Variants in STAG1 observed in about 807,000 individuals in gnomAD.
The protein encoded by STAG1 is STAG1 cohesin complex component, also known as cohesin subunit SA-1.
In STAG1, 26 loss-of-function variants were observed where a neutral mutation model predicts 170.9. The ratio of observed to expected loss-of-function variants is 0.15; its 90% CI spans 0.11 to 0.21. The LOEUF is 0.21. STAG1 is among the 10% of genes least tolerant of loss of function. The pLI is 1.00. For missense variants in STAG1, 964 were observed against 1,509.5 expected (o/e 0.64, Z 5.99); for synonymous variants, 514 against 497.7 (o/e 1.03, Z -0.44).
intron 3 of STAG1, among the ~76,000 whole-genome samples, chr3:136,619,756 C>CA (rs62857261): frequency 0.52 from 35,331 of 67,498 alleles, 9,277 homozygotes; most frequent in East Asian, 0.73. Flanking sequence ...GACTCTGTCT[C>CA]AAAAAAAAAA....
At chr3:136,538,231 TA>T (rs991918166) in intron 6 of STAG1, among the ~76,000 whole-genome samples, 4 of 152,154 alleles carry the variant, frequency 2.6e-5, no homozygotes, top group Admixed American at 1.3e-4. Context: ...TTAATTCTAT[TA>T]ATAAATATGC....
Position 136,621,226 on chromosome 3 carries a change from G to A in STAG1, c.132+1920C>T, listed in dbSNP as rs1576677781. 3.3e-5 allele frequency among the ~76,000 whole-genome samples: 5 copies of A among 152,196 alleles called. 1 individual carries two copies. The South Asian group carries it at 1.0e-3, about 31-fold the overall frequency. ...AATTATACAATAGCCTGCTGGTGGG[G>A]TGGTAAATTCTCTTTAGGAAAAATA... On this transcript the variant is annotated intron_variant, in intron 3 of 33. Transcript: ENST00000383202.
At chr3:136,347,708 G>A (rs1236902633) in intron 29 of STAG1, among the ~76,000 whole-genome samples, 2 of 152,166 alleles carry the variant, frequency 1.3e-5, no homozygotes, top group Admixed American at 1.3e-4. Flanking sequence ...AGATAGATAT[G>A]AGGCATTACT....
intron 1 of STAG1, among the ~76,000 whole-genome samples, chr3:136,748,175 T>C (rs950838044): frequency 1.3e-5 from 2 of 151,692 alleles, no homozygotes; most frequent in Non-Finnish European, 2.9e-5. Flanking sequence ...ACAGACGGTT[T>C]CAGGTCAAGA....
intron 5 of STAG1, among the ~76,000 whole-genome samples, chr3:136,551,165 CTT>C (rs750035148): frequency 2.8e-4 from 22 of 79,106 alleles, no homozygotes; most frequent in Admixed American, 2.9e-4. Flanking sequence ...TTTTTAACTC[CTT>C]TTTTTTTTTT....
chr3:136,660,906 C>G (rs767613600), intron 1 of STAG1, among the ~76,000 whole-genome samples: 9 of 152,008 alleles, frequency 5.9e-5, no homozygotes, highest in Non-Finnish European at 1.0e-4. Flanking sequence ...GAGTTCAAGG[C>G]TGAAGTAAGC....
intron 1 of STAG1, among the ~76,000 whole-genome samples, chr3:136,667,952 C>G (rs1234898647): frequency 6.6e-6 from 1 of 151,932 alleles, no homozygotes; most frequent in African/African-American, 2.4e-5. Context: ...CTTTGGGAAG[C>G]TGAGGCAGGC....
intron 1 of STAG1, among the ~76,000 whole-genome samples, chr3:136,739,866 TACAC>T (rs1467297193): frequency 1.3e-5 from 2 of 151,630 alleles, no homozygotes; most frequent in Non-Finnish European, 2.9e-5. Flanking sequence ...CACACACACA[TACAC>T]ACATATATAT....
At chr3:136,389,895 G>T (rs1339996219) in intron 22 of STAG1, among the ~76,000 whole-genome samples, 2 of 149,900 alleles carry the variant, frequency 1.3e-5, no homozygotes, top group Non-Finnish European at 1.5e-5. Context: ...GCAGTGGCAT[G>T]ATCTTGGCTC....
At chr3:136,545,390 A>C (rs1015981460) in intron 5 of STAG1, among the ~76,000 whole-genome samples, 1 of 152,174 alleles carries the variant, frequency 6.6e-6, no homozygotes, top group African/African-American at 2.4e-5. Flanking sequence ...ATTTTTATAT[A>C]ACCTAGCCTG....
In STAG1 at chr3:136,338,175, T is replaced by TC. The variant is rs1935777965; in HGVS notation, c.*78dup. 1.1e-6 allele frequency: 1 copy of TC among 943,660 alleles called. No individual in the cohort carries two copies. The highest frequency in any genetic ancestry group is 2.1e-5 in the Admixed American group (1 of 46,550). The allele number at this position is 943,660 out of a possible 1,614,324, so 58.5% of individuals were successfully genotyped here. A position where few individuals can be genotyped will look rare whatever the true frequency, so the allele number is the denominator to read the frequency against. On this transcript the variant is annotated 3_prime_UTR_variant, in exon 34 of 34. Coordinates refer to ENST00000383202, the MANE Select transcript of STAG1 (RefSeq NM_005862.3). ...AATCAGATCACATCAAAAGTGTTTT[T>TC]CCCCATACAAGCTATCACAGTATAT...
At chr3:136,717,317 A>G (rs1255654398) in intron 1 of STAG1, among the ~76,000 whole-genome samples, 1 of 152,202 alleles carries the variant, frequency 6.6e-6, no homozygotes, top group Non-Finnish European at 1.5e-5. Context: ...TACTATAAAC[A>G]GTTATTGATT....
At chr3:136,710,704 GTAAA>G (rs1384335788) in intron 1 of STAG1, among the ~76,000 whole-genome samples, 1 of 151,694 alleles carries the variant, frequency 6.6e-6, no homozygotes, top group Non-Finnish European at 1.5e-5. Flanking sequence ...CTTAAAAATA[GTAAA>G]TAAACCATTT....
chr3:136,745,515 T>C (rs1443663543), intron 1 of STAG1, among the ~76,000 whole-genome samples: 1 of 152,180 alleles, frequency 6.6e-6, no homozygotes, highest in Non-Finnish European at 1.5e-5. Flanking sequence ...ATGCATTAGA[T>C]AAAGCACGCA....
intron 22 of STAG1, among the ~76,000 whole-genome samples, chr3:136,392,434 T>A (rs1016477795): frequency 6.6e-6 from 1 of 152,062 alleles, no homozygotes; most frequent in Non-Finnish European, 1.5e-5. Context: ...CATTGTAATC[T>A]CAATAAAATT....
intron 16 of STAG1, among the ~76,000 whole-genome samples, chr3:136,433,325 A>G (rs777695103): frequency 5.9e-5 from 9 of 151,934 alleles, no homozygotes; most frequent in Non-Finnish European, 1.2e-4. Context: ...TATATAAAAT[A>G]CGTAAGTACA....
chr3:136,728,889 T>C (rs530329138), intron 1 of STAG1, among the ~76,000 whole-genome samples: 82 of 152,330 alleles, frequency 5.4e-4, no homozygotes, highest in African/African-American at 1.8e-3. Flanking sequence ...ATCTAATACT[T>C]TGACATGTAA....
intron 7 of STAG1, among the ~76,000 whole-genome samples, chr3:136,514,319 C>A (rs1320842870): frequency 2.6e-5 from 4 of 152,152 alleles, no homozygotes; most frequent in Non-Finnish European, 5.9e-5. Context: ...AAATGCTCAT[C>A]ATCACTGGTC....
At chr3:136,436,594 T>G (rs1376712238) in intron 15 of STAG1, among the ~76,000 whole-genome samples, 1 of 151,984 alleles carries the variant, frequency 6.6e-6, no homozygotes, top group African/African-American at 2.4e-5. Flanking sequence ...AACTCAGATT[T>G]TGATAATTCG....
Sources: allele counts gnomAD v4.1 joint callset (sites outside exome capture counted in the v4.1 genomes callset), GRCh38; gene constraint gnomAD v4.1.1; transcripts MANE v1.5; gene names NCBI Gene and HGNC (gene_info 2026-07-23, HGNC 2026-07-21).